SRC: variants seen among roughly 807,000 people sequenced by gnomAD.
The protein encoded by SRC is proto-oncogene tyrosine-protein kinase Src.
Under a neutral mutation model 62.9 loss-of-function variants are expected in SRC, and 13 were observed. The ratio of observed to expected loss-of-function variants is 0.21; its 90% confidence interval spans 0.13 to 0.33. SRC has a LOEUF of 0.33. Ranked by LOEUF, SRC falls within the 10% of genes least tolerant of loss-of-function variation. SRC has a pLI of 1.00. For synonymous variants in SRC, 302 were observed against 317.5 expected, an observed-to-expected ratio of 0.95 and a Z score of 0.52; for missense variants, 457 against 737.3, an observed-to-expected ratio of 0.62 and a Z score of 4.40.
upstream of SRC, among the ~76,000 whole-genome samples, chr20:37,345,974 A>G (rs921769201): frequency 4.7e-5 from 7 of 148,232 alleles, no homozygotes. Context: ...CCGGCGGGGA[A>G]TCCGTCCCCG....
In SRC at chr20:37,402,479, C is replaced by T; in HGVS notation, c.1161C>T (p.His387=). 6.2e-7 allele frequency: 1 copy of T among 1,614,062 alleles called. No homozygotes were observed. Among genetic ancestry groups the T allele is most frequent in the Non-Finnish European group, 8.5e-7 (1 of 1,180,018 alleles). ...ACGTGGAGCGGATGAACTACGTCCA[C>T]CGGGACCTTCGTGCAGCCAACATCC... ...MAYVERMNYV[H]RDLRAANILV... Residue 387 remains histidine, a synonymous_variant, in exon 12 of 14, where the codon CAC becomes CAT. Coordinates refer to ENST00000373578, the MANE Select transcript of SRC (RefSeq NM_198291.3). The surrounding 1 kb of genome is among the most constrained non-coding windows in gnomAD (Gnocchi z 6.2).
At chr20:37,358,232 T>C (rs959447822) in intron 1 of SRC, among the ~76,000 whole-genome samples, 1 of 152,102 alleles carries the variant, frequency 6.6e-6, no homozygotes, top group African/African-American at 2.4e-5. Flanking sequence ...TGTTCAGTAG[T>C]TAGTAAGGAT....
intron 2 of SRC, among the ~76,000 whole-genome samples, chr20:37,376,450 G>C (rs17194717): frequency 0.047 from 7,227 of 152,272 alleles, 407 homozygotes; most frequent in East Asian, 0.18. Flanking sequence ...GCATGGTTAG[G>C]AAGTTGCAAG....
rs544092987 is a variant in SRC at position 37,402,049 on chromosome 20, T to C, written c.1116+371T>C. On this transcript the variant is annotated intron_variant, in intron 11 of 13. Coordinates refer to ENST00000373578, the MANE Select transcript of SRC (RefSeq NM_198291.3). The surrounding 1 kb of genome is among the most constrained non-coding windows in gnomAD (Gnocchi z 6.2). ...TCATCACGACCAGGAGTGACGAGGA[T>C]TGGCTGTTATTCCCATTGGACGGAT... 6.3e-5 allele frequency: 19 copies of C among 299,982 alleles called. No individual in the cohort carries two copies. The highest frequency in any genetic ancestry group is 5.0e-4 in the Admixed American group (10 of 20,060). The allele number at this position is 299,982 out of a possible 1,614,324, so 18.6% of individuals were successfully genotyped here.
At chr20:37,373,555 C>T (rs1012730657) in intron 2 of SRC, among the ~76,000 whole-genome samples, 7 of 152,198 alleles carry the variant, frequency 4.6e-5, no homozygotes, top group African/African-American at 1.7e-4. Context: ...AAACAACCCT[C>T]CTGCCTTGGC....
At chr20:37,401,563 G>C (rs774885788) in intron 10 of SRC, 39 bp from the exon 11 acceptor site, 6 of 1,542,126 alleles carry the variant, frequency 3.9e-6, no homozygotes, top group Non-Finnish European at 5.3e-6. Flanking sequence ...CTGGCAGAGG[G>C]ACAGGGCAGG....
intron 1 of SRC, among the ~76,000 whole-genome samples, chr20:37,349,262 G>A (rs1225234775): frequency 6.6e-6 from 1 of 152,210 alleles, no homozygotes; most frequent in Non-Finnish European, 1.5e-5. Flanking sequence ...CTTTGGAAGT[G>A]GAGTAGGAGT....
rs542659347 is a variant in SRC, at chr20:37,361,177, T to A, written c.-246-4027T>A. ...GTGCAAAGGCTTGGAAGCTAGAGGG[T>A]AGTTACGAGTTTAAGGGAGGGTCAA... On this transcript the variant is annotated intron_variant, in intron 1 of 13. Transcript: ENST00000373578. Among the ~76,000 whole-genome samples, 8 of 151,758 alleles carry A rather than the reference T, an allele frequency of 5.3e-5. 1 individual carries two copies. The South Asian group carries it at 1.7e-3, about 32-fold the overall frequency.
At position 37,403,676 on chromosome 20, in the gene SRC, A is replaced by C. The variant is rs2070779355; in HGVS notation, c.*297A>C. On this transcript the variant is annotated 3_prime_UTR_variant, in exon 14 of 14. Coordinates refer to ENST00000373578, the MANE Select transcript of SRC (RefSeq NM_198291.3). This position sits in a 1 kb window ranked among gnomAD's most constrained non-coding sequence, Gnocchi z 7.1. ...GTGGGTCTCTGGAAGAGGAACCAGG[A>C]GAAGGGCTGGGGCCGGGGCTGAGGG... The C allele has an allele frequency of 4.4e-6, 2 of 459,080 alleles. No homozygotes were observed. Among genetic ancestry groups the C allele is most frequent in the African/African-American group, 3.8e-5 (2 of 52,080 alleles). 28.4% of individuals were successfully genotyped at this position (459,080 alleles called of 1,614,324 possible).
At position 37,397,644 on chromosome 20, in the gene SRC, A is replaced by G; in HGVS notation, c.704-55A>G. 6.7e-7 allele frequency: 1 copy of G among 1,495,948 alleles called. No individual in the cohort carries two copies. The allele number at this position is 1,495,948 out of a possible 1,614,324, so 92.7% of individuals were successfully genotyped here. A position where few individuals can be genotyped will look rare whatever the true frequency, so the allele number is the denominator to read the frequency against. On this transcript the variant is annotated intron_variant, in intron 8 of 13. Transcript: ENST00000373578. The surrounding 1 kb of genome is among the most constrained non-coding windows in gnomAD (Gnocchi z 4.1). ...TGTAGGGCGACACACACTGAGGGGC[A>G]GGGAGGCCCCAGGGCAGAAGACCCG...
intron 2 of SRC, among the ~76,000 whole-genome samples, chr20:37,369,743 C>T (rs2070131357): frequency 6.6e-6 from 1 of 151,528 alleles, no homozygotes; most frequent in Non-Finnish European, 1.5e-5. Context: ...CAGTCTTTTA[C>T]CGTTAAGTAG....
intron 1 of SRC, among the ~76,000 whole-genome samples, chr20:37,364,099 G>T (rs1197675219): frequency 6.6e-6 from 1 of 152,108 alleles, no homozygotes; most frequent in Admixed American, 6.5e-5. Flanking sequence ...TTATCAGGAG[G>T]CATTCCAGGA....
At chr20:37,391,110 G>A (rs901821376) in intron 5 of SRC, among the ~76,000 whole-genome samples, 3 of 152,182 alleles carry the variant, frequency 2.0e-5, no homozygotes, top group African/African-American at 7.2e-5. Context: ...CAGGCCTCCT[G>A]CCAGCCTTCC....
At chr20:37,394,399 G>A (rs2070605107) in intron 7 of SRC, 122 bp downstream of exon 7, 5 of 783,896 alleles carry the variant, frequency 6.4e-6, no homozygotes, top group Non-Finnish European at 1.1e-5. Flanking sequence ...CCGGGTGGAG[G>A]TAATGGCAGG....
In SRC at chr20:37,396,558, T is replaced by G; in HGVS notation, c.703+247T>G. On this transcript the variant is annotated intron_variant, in intron 8 of 13. Transcript: ENST00000373578. The surrounding 1 kb of genome is among the most constrained non-coding windows in gnomAD (Gnocchi z 6.1). ...CTCCCTGCTCCACGCAGTGTCCCAC[T>G]GCCCGCCTTTCTCTGCAGCTGGCTG... 7.3e-6 allele frequency: 4 copies of G among 551,720 alleles called. No individual in the cohort carries two copies. The highest frequency in any genetic ancestry group is 9.7e-6 in the Non-Finnish European group (3 of 310,758). 34.2% of individuals were successfully genotyped at this position (551,720 alleles called of 1,614,324 possible).
In SRC at chr20:37,397,910, G is replaced by A. The variant is rs893426251; in HGVS notation, c.859+56G>A. On this transcript the variant is annotated intron_variant, in intron 9 of 13. Coordinates refer to ENST00000373578, the MANE Select transcript of SRC (RefSeq NM_198291.3). This position sits in a 1 kb window ranked among gnomAD's most constrained non-coding sequence, Gnocchi z 4.1. ...CATCCACCCCCCACCCCGTGTGGCA[G>A]CTCCGGGCTCCCTTGGTCCCTTTGC... 1.5e-5 allele frequency: 23 copies of A among 1,545,090 alleles called. 1 individual carries two copies. In the South Asian group the frequency reaches 2.7e-4, roughly 18 times the overall value.
Position 37,404,347 on chromosome 20 carries a change from G to A in SRC, c.*968G>A, listed in dbSNP as rs138117751. 3.9e-5 allele frequency: 9 copies of A among 233,598 alleles called. No individual in the cohort carries two copies. Among genetic ancestry groups the A allele is most frequent in the East Asian group, 3.6e-4 (6 of 16,582 alleles). The allele number at this position is 233,598 out of a possible 1,614,324, so 14.5% of individuals were successfully genotyped here. A position where few individuals can be genotyped will look rare whatever the true frequency, so the allele number is the denominator to read the frequency against. ...AGGTGTGGAGAGAGAGGCTTCAATC[G>A]GCTTGTGGGTGATGTTTGACCTTCA... On this transcript the variant is annotated 3_prime_UTR_variant, in exon 14 of 14. Transcript: ENST00000373578.
chr20:37,376,851 G>A (rs1019421196), intron 2 of SRC, among the ~76,000 whole-genome samples: 1 of 152,222 alleles, frequency 6.6e-6, no homozygotes, highest in African/African-American at 2.4e-5. Context: ...TCCCTGGAGG[G>A]TCTAAGATGT....
At position 37,397,899 on chromosome 20, in the gene SRC, C is replaced by G. The variant is rs1349547830; in HGVS notation, c.859+45C>G. ...CTCGGGAGAGGCATCCACCCCCCAC[C>G]CCGTGTGGCAGCTCCGGGCTCCCTT... On this transcript the variant is annotated intron_variant, in intron 9 of 13. Transcript: ENST00000373578. This position sits in a 1 kb window ranked among gnomAD's most constrained non-coding sequence, Gnocchi z 4.1. 1 of 1,571,676 alleles carries G rather than the reference C, an allele frequency of 6.4e-7. No homozygotes were observed. The highest frequency in any genetic ancestry group is 8.6e-7 in the Non-Finnish European group (1 of 1,161,592).
Sources: gnomAD v4.1 joint callset for allele counts (sites outside exome capture counted in the v4.1 genomes callset) on GRCh38, gnomAD v4.1.1 for gene constraint, Gnocchi (gnomAD v3.1) non-coding constraint, MANE v1.5 for transcripts, NCBI Gene and HGNC (gene_info 2026-07-23, HGNC 2026-07-21) for gene names.